Variants in EEF1G observed in about 807,000 individuals in gnomAD.
EEF1G encodes eukaryotic translation elongation factor 1 gamma.
A neutral mutation model predicts 58.3 loss-of-function variants in EEF1G; 14 were observed. The ratio of observed to expected loss-of-function variants is 0.24; its 90% CI spans 0.16 to 0.38. The LOEUF is 0.38. Ranked by LOEUF, EEF1G falls within the 10% of genes least tolerant of loss-of-function variation. The pLI is 1.00. For missense variants in EEF1G, 322 were observed against 550.1 expected (o/e 0.59, Z 4.15); for synonymous variants, 180 against 206.8 (o/e 0.87, Z 1.11).
chr11:62,573,056 T>C, intron 1 of EEF1G: 1 of 204,708 alleles, frequency 4.9e-6, no homozygotes, highest in Non-Finnish European at 9.8e-6. Flanking sequence ...TCAGACTCCA[T>C]CTGCCTACAA....
chr11:62,569,460 C>T (rs1265519277), intron 5 of EEF1G, among the ~76,000 whole-genome samples: 1 of 152,102 alleles, frequency 6.6e-6, no homozygotes, highest in Non-Finnish European at 1.5e-5. Flanking sequence ...GGTGACAGAG[C>T]AAGACTCTGT....
chr11:62,563,746 C>G (rs1264249678), intron 7 of EEF1G, among the ~76,000 whole-genome samples: 2 of 152,156 alleles, frequency 1.3e-5, no homozygotes, highest in Admixed American at 6.6e-5. Context: ...GTTACCCTGA[C>G]CCTCCCCTCT....
At chr11:62,566,239 G>A (rs1040759019) in intron 7 of EEF1G, among the ~76,000 whole-genome samples, 1 of 152,104 alleles carries the variant, frequency 6.6e-6, no homozygotes, top group African/African-American at 2.4e-5. Context: ...GGGATACAGA[G>A]GACACCTACT....
In EEF1G at chr11:62,560,486, T is replaced by G. The variant is rs202084652; in HGVS notation, c.858-32A>C. ...GGAAGAAAGCACAGGGGTCAATCAA[T>G]AAGGAGGAAGGTTGCCAGGCTAAGA... On this transcript the variant is annotated intron_variant, in intron 7 of 9. Coordinates refer to ENST00000329251, the MANE Select transcript of EEF1G (RefSeq NM_001404.5). 158 of 1,599,896 alleles carry G rather than the reference T, an allele frequency of 9.9e-5. No individual in the cohort carries two copies. The African/African-American group carries it at 2.0e-3, about 20-fold the overall frequency.
chr11:62,562,405 G>A (rs1224022586), intron 7 of EEF1G, among the ~76,000 whole-genome samples: 1 of 152,094 alleles, frequency 6.6e-6, no homozygotes, highest in African/African-American at 2.4e-5. Flanking sequence ...ATGTGTGTGT[G>A]TGCATATACA....
intron 1 of EEF1G, 128 bp from the exon 2 acceptor site, chr11:62,572,870 C>G (rs1189731940): frequency 2.1e-5 from 18 of 866,638 alleles, no homozygotes; most frequent in Admixed American, 3.1e-5. Flanking sequence ...TCTGGTGAAC[C>G]AAGTCCTTTA....
intron 1 of EEF1G, 135 bp downstream of exon 1, chr11:62,573,696 C>A (rs1941665762): frequency 7.8e-7 from 1 of 1,289,614 alleles, no homozygotes; most frequent in African/African-American, 1.5e-5. Context: ...ACCCTACTCT[C>A]CAGCAGTACA....
chr11:62,562,295 G>A (rs1000736984), intron 7 of EEF1G, among the ~76,000 whole-genome samples: 5 of 152,106 alleles, frequency 3.3e-5, no homozygotes, highest in Admixed American at 2.0e-4. Flanking sequence ...ATTTTTGAGC[G>A]TTAGCCGTCT....
chr11:62,571,815 T>C (rs78775394), intron 3 of EEF1G, 23 bp downstream of exon 3: 2 of 1,580,296 alleles, frequency 1.3e-6, no homozygotes, highest in Non-Finnish European at 8.6e-7. Context: ...ATTCTCCCAT[T>C]CCCATATACC....
intron 7 of EEF1G, among the ~76,000 whole-genome samples, chr11:62,565,837 C>T (rs1473053646): frequency 6.6e-6 from 1 of 152,134 alleles, no homozygotes; most frequent in Non-Finnish European, 1.5e-5. Context: ...TAGTGCAATG[C>T]TTGTAATTCA....
chr11:62,570,825 G>A (rs1239503436), intron 5 of EEF1G, 140 bp downstream of exon 5: 27 of 1,180,300 alleles, frequency 2.3e-5, no homozygotes, highest in Non-Finnish European at 2.9e-5. Flanking sequence ...CAGTGTGCTC[G>A]GATTACAGGC....
At chr11:62,573,751 C>T (rs959234798) in intron 1 of EEF1G, 80 bp downstream of exon 1, 1 of 1,596,890 alleles carries the variant, frequency 6.3e-7, no homozygotes, top group Non-Finnish European at 8.6e-7. Context: ...CTCAGAACTC[C>T]TCTGGCGCCG....
Position 62,566,957 on chromosome 11 carries a change from C to A in EEF1G, c.706G>T (p.Gly236Cys), listed in dbSNP as rs747786772. The change falls in exon 7 of 10, where the codon GGT becomes TGT. Residue 236 changes from glycine to cysteine, a missense_variant. Gly to Cys is a radical substitution (Grantham distance 159). Around this residue, in one of 3 missense-constraint regions of EEF1G, gnomAD observed 208 missense variants for 323.7 expected, o/e 0.64. Coordinates refer to ENST00000329251, the MANE Select transcript of EEF1G (RefSeq NM_001404.5). ...PKKDTPRKEKGSREEKQKPQA... is the reference protein window; with the variant it reads ...PKKDTPRKEKCSREEKQKPQA... ...GGCTTCTGCTTCTCTTCCCGTGAAC[C>A]CTTCTCTTTCCGTGGTGTGTCCTTT... is the stretch of plus-strand genomic sequence containing the variant. The A allele has an allele frequency of 3.1e-6, 5 of 1,613,988 alleles. No individual in the cohort carries two copies. The African/African-American group carries it at 4.0e-5, about 13-fold the overall frequency.
chr11:62,563,197 G>A (rs1941518829), intron 7 of EEF1G, among the ~76,000 whole-genome samples: 1 of 151,850 alleles, frequency 6.6e-6, no homozygotes, highest in Admixed American at 6.6e-5. Context: ...TGCAATCTCG[G>A]CTCACTGCAA....
intron 7 of EEF1G, among the ~76,000 whole-genome samples, chr11:62,562,624 GCACGTGC>G (rs1226562395): frequency 3.3e-5 from 5 of 152,010 alleles, no homozygotes; most frequent in African/African-American, 1.2e-4. Flanking sequence ...GGGATTACAG[GCACGTGC>G]CACTACGCCC....
chr11:62,572,903 A>G (rs1464405225), intron 1 of EEF1G, 161 bp from the exon 2 acceptor site: 2 of 579,508 alleles, frequency 3.5e-6, no homozygotes, highest in Non-Finnish European at 5.8e-6. Context: ...TGTAATCAGA[A>G]TCCTCCGAAA....
At chr11:62,564,758 C>CAAA (rs34663205) in intron 7 of EEF1G, among the ~76,000 whole-genome samples, 10,854 of 73,448 alleles carry the variant, frequency 0.15, 1,244 homozygotes, top group East Asian at 0.21. Context: ...GACTCCATCT[C>CAAA]AAAAAAAAAA....
chr11:62,565,175 C>T (rs2134292375), intron 7 of EEF1G, among the ~76,000 whole-genome samples: 1 of 152,010 alleles, frequency 6.6e-6, no homozygotes, highest in Non-Finnish European at 1.5e-5. Flanking sequence ...ATCACTTGAG[C>T]CCAGGAGTTT....
intron 5 of EEF1G, among the ~76,000 whole-genome samples, chr11:62,569,083 A>ACG (rs996515594): frequency 3.5e-5 from 5 of 143,672 alleles, no homozygotes; most frequent in African/African-American, 5.0e-5. Flanking sequence ...CTATACACAC[A>ACG]CGCACACACA....
Sources: allele counts gnomAD v4.1 joint callset (sites outside exome capture counted in the v4.1 genomes callset), GRCh38; gene constraint gnomAD v4.1.1; regional missense constraint gnomAD v4.1.1; transcripts MANE v1.5; gene names NCBI Gene and HGNC (gene_info 2026-07-23, HGNC 2026-07-21).